The following OR2T11 variants were observed in gnomAD, a reference collection of about 807,000 sequenced individuals.
The protein encoded by OR2T11 is olfactory receptor family 2 subfamily T member 11.
In OR2T11, 14 loss-of-function variants were observed where a neutral mutation model predicts 13.5. The ratio of observed to expected loss-of-function variants is 1.04; its 90% CI spans 0.69 to 1.62. OR2T11 has a LOEUF of 1.62. OR2T11 is among the 40% of genes most tolerant of loss of function. OR2T11 has a pLI of 0.00. For synonymous variants in OR2T11, 163 were observed against 154.6 expected (o/e 1.05, Z -0.40); for missense variants, 410 against 389.7 (o/e 1.05, Z -0.44).
rs1460045591 is a variant in OR2T11 at position 248,627,518 on chromosome 1, A to T, written c.-144-246T>A. Among the ~76,000 whole-genome samples the T allele has an allele frequency of 1.1e-4, 16 of 143,216 alleles. 4 individuals are homozygous for T. The highest frequency in any genetic ancestry group is 1.8e-4 in the Non-Finnish European group (12 of 66,224). The allele number at this position is 143,216 out of a possible 152,430, so 94.0% of individuals were successfully genotyped here. On this transcript the variant is annotated intron_variant, in intron 1 of 1. Transcript: ENST00000641193. The stretch of plus-strand genomic sequence containing the variant: ...CAGCCCATAGTAGGGTTAAGTAAAT[A>T]CTAGTTGGAAAAAAGGGTGATTCAT...
At chr1:248,632,519 G>C (rs1660628619) in intron 1 of OR2T11, among the ~76,000 whole-genome samples, 1 of 137,672 alleles carries the variant, frequency 7.3e-6, no homozygotes, top group Non-Finnish European at 1.5e-5. Context: ...ATTGGGGACA[G>C]TTGAGGGACC....
rs1251400291 is a variant in OR2T11, at chr1:248,630,383, T to A, written c.-144-3111A>T. Among the ~76,000 whole-genome samples, 9 of 20,998 alleles carry A rather than the reference T, an allele frequency of 4.3e-4. 3 individuals carry two copies. Among genetic ancestry groups the A allele is most frequent in the African/African-American group, 8.0e-4 (9 of 11,232 alleles). 13.8% of individuals were successfully genotyped at this position (20,998 alleles called of 152,430 possible). On this transcript the variant is annotated intron_variant, in intron 1 of 1. Coordinates refer to ENST00000641193, the MANE Select transcript of OR2T11 (RefSeq NM_001001964.2). ...GTACAAATTTGAGACAATTACGCTC[T>A]GGTTTAAAATACTTATAGAGTAATT...
At chr1:248,632,006 T>C (rs1255735808) in intron 1 of OR2T11, among the ~76,000 whole-genome samples, 1 of 144,146 alleles carries the variant, frequency 6.9e-6, no homozygotes, top group Non-Finnish European at 1.5e-5. Context: ...AATTCCAATG[T>C]TTCTAGCATA....
rs773492858 is a variant in OR2T11 at position 248,625,393 on chromosome 1, G to A, written c.*785C>T. ...AGGGACTTCCCACCCCACTCAGTCA[G>A]TCTCAAAGTGCCTTAAGTGTTGCTG... On this transcript the variant is annotated 3_prime_UTR_variant, in exon 2 of 2. Transcript: ENST00000641193. The A allele has an allele frequency of 1.4e-5, 2 of 144,162 alleles. No individual in the cohort carries two copies. Among genetic ancestry groups the A allele is most frequent in the Non-Finnish European group, 3.0e-5 (2 of 66,476 alleles). The allele number at this position is 144,162 out of a possible 1,614,324, so 8.9% of individuals were successfully genotyped here. A position where few individuals can be genotyped will look rare whatever the true frequency, so the allele number is the denominator to read the frequency against.
rs754063881 is a variant in OR2T11, at chr1:248,631,835, C to T, written c.-145+3203G>A. Among the ~76,000 whole-genome samples the T allele has an allele frequency of 4.9e-5, 7 of 142,996 alleles. 1 individual carries two copies. The highest frequency in any genetic ancestry group is 7.6e-5 in the Non-Finnish European group (5 of 66,172). The allele number at this position is 142,996 out of a possible 152,430, so 93.8% of individuals were successfully genotyped here. A position where few individuals can be genotyped will look rare whatever the true frequency, so the allele number is the denominator to read the frequency against. ...GTCACTGTTGTGCAATTGCAGAGGG[C>T]AATGACTCATCTCCCAGCAGACATC... On this transcript the variant is annotated intron_variant, in intron 1 of 1. Coordinates refer to ENST00000641193, the MANE Select transcript of OR2T11 (RefSeq NM_001001964.2).
chr1:248,629,493 A>G (rs1219375227), intron 1 of OR2T11, among the ~76,000 whole-genome samples: 2 of 141,118 alleles, frequency 1.4e-5, no homozygotes, highest in Admixed American at 1.4e-4. Flanking sequence ...ATCCATCATG[A>G]CACATTTTAC....
chr1:248,629,587 T>C (rs1660575525), intron 1 of OR2T11, among the ~76,000 whole-genome samples: 1 of 138,648 alleles, frequency 7.2e-6, no homozygotes, highest in Admixed American at 7.0e-5. Flanking sequence ...ACCATCAAAG[T>C]CACATCGGGA....
chr1:248,632,864 T>C lies in OR2T11; in HGVS notation c.-145+2174A>G, dbSNP rs3114095. Among the ~76,000 whole-genome samples the C allele has an allele frequency of 5.0e-3, 51 of 10,190 alleles. 8 individuals are homozygous for C. The highest frequency in any genetic ancestry group is 0.015 in the South Asian group (1 of 68). 6.7% of individuals were successfully genotyped at this position (10,190 alleles called of 152,430 possible). ...AGAGCATGATCCCACGAAGCTTCCT[T>C]AATAGGATAGCAATGTAGAAGGGCC... is the stretch of plus-strand genomic sequence containing the variant. On this transcript the variant is annotated intron_variant, in intron 1 of 1. Transcript: ENST00000641193.
rs1660548455 is a variant in OR2T11, at chr1:248,628,075, T to C, written c.-144-803A>G. ...GAAATTAAAGGAAAATGTTGGTAGG[T>C]TGAAGCTATGTCAGCAGCAGACACA... On this transcript the variant is annotated intron_variant, in intron 1 of 1. Transcript: ENST00000641193. 1.4e-5 allele frequency among the ~76,000 whole-genome samples: 2 copies of C among 143,054 alleles called. 1 individual carries two copies. Among genetic ancestry groups the C allele is most frequent in the South Asian group, 4.4e-4 (2 of 4,562 alleles). The allele number at this position is 143,054 out of a possible 152,430, so 93.8% of individuals were successfully genotyped here.
Position 248,633,500 on chromosome 1 carries a change from C to T in OR2T11, c.-145+1538G>A, listed in dbSNP as rs555802843. On this transcript the variant is annotated intron_variant, in intron 1 of 1. Transcript: ENST00000641193. ...CACAAAGCCATTATTTGCAAGCATC[C>T]CTGCCTTGGGCCAAAATTATATTAT... Among the ~76,000 whole-genome samples the T allele has an allele frequency of 2.5e-4, 36 of 141,294 alleles. 2 individuals are homozygous for T. In the South Asian group the frequency reaches 7.6e-3, roughly 30 times the overall value. 92.7% of individuals were successfully genotyped at this position (141,294 alleles called of 152,430 possible).
chr1:248,625,686 T>C lies in OR2T11; in HGVS notation c.*492A>G, dbSNP rs1660502877. 6.8e-6 allele frequency: 1 copy of C among 147,844 alleles called. No homozygotes were observed. Among genetic ancestry groups the C allele is most frequent in the Non-Finnish European group, 1.5e-5 (1 of 68,954 alleles). 9.2% of individuals were successfully genotyped at this position (147,844 alleles called of 1,614,324 possible). Reference sequence around the variant, plus strand: ...AGAGATTCAACGATAATATTAGAGCTTATAGTTACTTGGGGTTAATACTAA... The same window carrying C: ...AGAGATTCAACGATAATATTAGAGCCTATAGTTACTTGGGGTTAATACTAA... On this transcript the variant is annotated 3_prime_UTR_variant, in exon 2 of 2. Coordinates refer to ENST00000641193, the MANE Select transcript of OR2T11 (RefSeq NM_001001964.2).
chr1:248,632,634 A>C (rs1449843703), intron 1 of OR2T11, among the ~76,000 whole-genome samples: 1 of 116,712 alleles, frequency 8.6e-6, no homozygotes, highest in African/African-American at 3.6e-5. Flanking sequence ...GCCTCTTGCC[A>C]ATCAAGCGGT....
In OR2T11 at chr1:248,627,120, G is replaced by A. The variant is rs1177930149; in HGVS notation, c.9C>T (p.Asn3=). 5.9e-6 allele frequency: 9 copies of A among 1,531,472 alleles called. 2 individuals are homozygous for A. The highest frequency in any genetic ancestry group is 8.0e-6 in the Non-Finnish European group (9 of 1,121,744). The allele number at this position is 1,531,472 out of a possible 1,614,324, so 94.9% of individuals were successfully genotyped here. Residue 3 remains asparagine, a synonymous_variant, in exon 2 of 2, where the codon AAC becomes AAT. Coordinates refer to ENST00000641193, the MANE Select transcript of OR2T11 (RefSeq NM_001001964.2). The part of the protein sequence containing the change: MT[N]TSSSDFTLLG... ...GGAGGGTGAAGTCAGAGGATGATGTGTTCGTCATTGATATGGCCCACGAGC... is the reference window on the plus strand; with the variant it reads ...GGAGGGTGAAGTCAGAGGATGATGTATTCGTCATTGATATGGCCCACGAGC...
chr1:248,627,588 G>GA (rs1401952898), intron 1 of OR2T11, among the ~76,000 whole-genome samples: 1 of 143,386 alleles, frequency 7.0e-6, no homozygotes, highest in African/African-American at 2.7e-5. Context: ...CTGAAGAAAT[G>GA]AAGGGTTAGG....
rs3114094 is a variant in OR2T11, at chr1:248,632,848, T to G, written c.-145+2190A>C. Reference sequence around the variant, plus strand: ...AAGTTTATTCTTACCTAGAGCATGATCCCACGAAGCTTCCTTAATAGGATA... The same window carrying G: ...AAGTTTATTCTTACCTAGAGCATGAGCCCACGAAGCTTCCTTAATAGGATA... On this transcript the variant is annotated intron_variant, in intron 1 of 1. Coordinates refer to ENST00000641193, the MANE Select transcript of OR2T11 (RefSeq NM_001001964.2). Among the ~76,000 whole-genome samples, 19 of 11,192 alleles carry G rather than the reference T, an allele frequency of 1.7e-3. 1 individual carries two copies. Among genetic ancestry groups the G allele is most frequent in the South Asian group, 0.011 (1 of 92 alleles). 7.3% of individuals were successfully genotyped at this position (11,192 alleles called of 152,430 possible). A position where few individuals can be genotyped will look rare whatever the true frequency, so the allele number is the denominator to read the frequency against.
chr1:248,631,551 G>C (rs570047062), intron 1 of OR2T11, among the ~76,000 whole-genome samples: 5 of 143,292 alleles, frequency 3.5e-5, no homozygotes, highest in Admixed American at 6.8e-5. Context: ...CAGCCAAAGA[G>C]AAGTTAAATG....
At chr1:248,632,415 A>G (rs1660626940) in intron 1 of OR2T11, among the ~76,000 whole-genome samples, 1 of 135,686 alleles carries the variant, frequency 7.4e-6, no homozygotes, top group Non-Finnish European at 1.6e-5. Context: ...GGTGATGTTT[A>G]CTTTTGTTGT....
Position 248,626,463 on chromosome 1 carries a change from G to A in OR2T11, c.666C>T (p.Ile222=). 6.4e-7 allele frequency: 1 copy of A among 1,572,978 alleles called. No homozygotes were observed. Among genetic ancestry groups the A allele is most frequent in the African/African-American group, 1.5e-5 (1 of 66,812 alleles). Reference sequence around the variant, plus strand: ...GACCTTCAGCAGAGGGCATGCGGTGGATGGTTAACAAGATGAGGGAGTAGG... The same window carrying A: ...GACCTTCAGCAGAGGGCATGCGGTGAATGGTTAACAAGATGAGGGAGTAGG... The part of the protein sequence containing the change: ...STSYSLILLT[I]HRMPSAEGRK... The change falls in exon 2 of 2, where the codon ATC becomes ATT. Residue 222 remains isoleucine (I), a synonymous_variant. Coordinates refer to ENST00000641193, the MANE Select transcript of OR2T11 (RefSeq NM_001001964.2).
At chr1:248,634,224 G>C (rs1257364850) in intron 1 of OR2T11, among the ~76,000 whole-genome samples, 3 of 90,688 alleles carry the variant, frequency 3.3e-5, no homozygotes, top group Admixed American at 1.2e-4. Context: ...AAAGTTTTAA[G>C]TGCTTGCGAT....
Sources: allele counts gnomAD v4.1 joint callset (sites outside exome capture counted in the v4.1 genomes callset), GRCh38; gene constraint gnomAD v4.1.1; transcripts MANE v1.5; gene names NCBI Gene and HGNC (gene_info 2026-07-23, HGNC 2026-07-21).